The following TRAPPC9 variants were observed in gnomAD, a reference collection of about 807,000 sequenced individuals.
TRAPPC9 encodes trafficking protein particle complex subunit 9, also known as IKK2 binding protein.
TRAPPC9 carries 83 observed loss-of-function variants against 124.0 expected under a neutral mutation model. The ratio of observed to expected loss-of-function variants is 0.67; its 90% CI spans 0.56 to 0.80. The LOEUF (loss-of-function observed/expected upper bound fraction) is 0.80, where lower values mean the gene tolerates loss of function less well. Among genes scored for constraint, TRAPPC9 ranks in the 30% least tolerant of loss-of-function variants. The pLI is 0.00. For synonymous variants in TRAPPC9, 638 were observed against 617.5 expected, an observed-to-expected ratio of 1.03 and a Z score of -0.49; for missense variants, 1,302 against 1,508.3, an observed-to-expected ratio of 0.86 and a Z score of 2.27.
intron 17 of TRAPPC9, among the ~76,000 whole-genome samples, chr8:140,158,714 A>C (rs1384865429): frequency 6.6e-6 from 1 of 152,210 alleles, no homozygotes; most frequent in African/African-American, 2.4e-5. Flanking sequence ...GCTGAGCAGC[A>C]TCTGTGCTCC....
At position 139,728,455 on chromosome 8, in the gene TRAPPC9, G is replaced by A. The variant is rs561703644; in HGVS notation, c.*2606C>T. On this transcript the variant is annotated 3_prime_UTR_variant, in exon 23 of 23. Transcript: ENST00000438773. ...ACTGTATTGCCAGGTAGCCAGTAGC[G>A]TGGGGCCCTGGAAGAGGCTGGAGGA... 2.0e-5 allele frequency among the ~76,000 whole-genome samples: 3 copies of A among 152,224 alleles called. No individual in the cohort carries two copies. Among genetic ancestry groups the A allele is most frequent in the Non-Finnish European group, 2.9e-5 (2 of 68,048 alleles).
intron 8 of TRAPPC9, among the ~76,000 whole-genome samples, chr8:140,366,735 G>A (rs1035298357): frequency 9.9e-5 from 15 of 152,130 alleles, no homozygotes; most frequent in Non-Finnish European, 2.1e-4. Context: ...GCTAGACTTC[G>A]TTAAAATTTA....
chr8:139,945,578 C>CA (rs1484799404), intron 19 of TRAPPC9, among the ~76,000 whole-genome samples: 2 of 52,340 alleles, frequency 3.8e-5, no homozygotes, highest in Non-Finnish European at 8.1e-5. Context: ...AAAAAACCAA[C>CA]AAAAAACAGT....
At chr8:139,745,879 C>T (rs1050383109) in intron 21 of TRAPPC9, among the ~76,000 whole-genome samples, 7 of 152,268 alleles carry the variant, frequency 4.6e-5, no homozygotes, top group East Asian at 1.9e-4. Context: ...GGCAGCAGCC[C>T]GCCTCCACGT....
intron 6 of TRAPPC9, among the ~76,000 whole-genome samples, chr8:140,404,693 T>C (rs564197725): frequency 2.0e-5 from 3 of 152,122 alleles, no homozygotes; most frequent in Admixed American, 2.0e-4. Flanking sequence ...TGTGTGTACG[T>C]GCATGTGTGC....
At chr8:139,779,671 A>C (rs1235003377) in intron 21 of TRAPPC9, among the ~76,000 whole-genome samples, 1 of 152,186 alleles carries the variant, frequency 6.6e-6, no homozygotes, top group Non-Finnish European at 1.5e-5. Context: ...TCTAAACCTC[A>C]AATGCAACCA....
chr8:139,810,577 TCTC>T (rs1336948216), intron 21 of TRAPPC9, among the ~76,000 whole-genome samples: 8 of 151,658 alleles, frequency 5.3e-5, no homozygotes, highest in African/African-American at 1.5e-4. Flanking sequence ...TGCGTAAAGC[TCTC>T]CTCCTTCAAA....
intron 6 of TRAPPC9, 131 bp from the exon 7 acceptor site, chr8:140,397,876 C>T: frequency 8.3e-7 from 1 of 1,201,382 alleles, no homozygotes; most frequent in Non-Finnish European, 1.2e-6. Context: ...AGATACCCCT[C>T]CTGATATGGT....
At chr8:139,906,647 G>T (rs537913832) in intron 20 of TRAPPC9, among the ~76,000 whole-genome samples, 6 of 152,318 alleles carry the variant, frequency 3.9e-5, no homozygotes, top group South Asian at 4.1e-4. Context: ...AACCCTGCAG[G>T]TTCTTGGTGA....
chr8:140,246,395 G>A (rs758161122), intron 16 of TRAPPC9, among the ~76,000 whole-genome samples: 14 of 152,186 alleles, frequency 9.2e-5, no homozygotes, highest in Non-Finnish European at 1.5e-4. Flanking sequence ...GGACTGGTCC[G>A]TTTCTAGACT....
intron 17 of TRAPPC9, among the ~76,000 whole-genome samples, chr8:140,140,134 C>T (rs989328620): frequency 4.2e-4 from 64 of 152,270 alleles, no homozygotes; most frequent in African/African-American, 1.5e-3. Context: ...GGCAGGGAAC[C>T]AGTCAAGGGC....
chr8:140,389,416 A>C (rs1206439726), intron 7 of TRAPPC9, among the ~76,000 whole-genome samples: 1 of 152,242 alleles, frequency 6.6e-6, no homozygotes, highest in Non-Finnish European at 1.5e-5. Context: ...GATTAAGTGC[A>C]GACACAGGTG....
intron 17 of TRAPPC9, among the ~76,000 whole-genome samples, chr8:140,190,357 C>G (rs2062462524): frequency 6.6e-6 from 1 of 152,122 alleles, no homozygotes; most frequent in Admixed American, 6.5e-5. Context: ...ACTCGGGAGG[C>G]TGAGGCAGGA....
At chr8:140,431,958 C>A (rs1321599900) in intron 4 of TRAPPC9, among the ~76,000 whole-genome samples, 2 of 152,186 alleles carry the variant, frequency 1.3e-5, no homozygotes, top group African/African-American at 4.8e-5. Flanking sequence ...CCACTGTCCA[C>A]ATTGCACATC....
At chr8:139,795,281 G>C (rs919514231) in intron 21 of TRAPPC9, among the ~76,000 whole-genome samples, 1 of 152,106 alleles carries the variant, frequency 6.6e-6, no homozygotes, top group African/African-American at 2.4e-5. Context: ...TACGGTGAGA[G>C]GAAGCGCACT....
intron 16 of TRAPPC9, among the ~76,000 whole-genome samples, chr8:140,248,835 A>G (rs1344294430): frequency 6.6e-6 from 1 of 152,228 alleles, no homozygotes. Context: ...TTTGAAGATA[A>G]GGTAAATAAT....
intron 19 of TRAPPC9, among the ~76,000 whole-genome samples, chr8:139,959,474 C>T (rs1393055461): frequency 6.6e-6 from 1 of 152,220 alleles, no homozygotes; most frequent in African/African-American, 2.4e-5. Context: ...TCTCGCCCCA[C>T]AGCTGGTGAG....
chr8:139,771,379 A>G (rs960369532), intron 21 of TRAPPC9, among the ~76,000 whole-genome samples: 2 of 152,130 alleles, frequency 1.3e-5, no homozygotes, highest in Admixed American at 1.3e-4. Context: ...CCTGCCCAGG[A>G]CGCCGGATCC....
At chr8:140,166,722 G>A (rs1337273118) in intron 17 of TRAPPC9, among the ~76,000 whole-genome samples, 1 of 152,196 alleles carries the variant, frequency 6.6e-6, no homozygotes, top group Non-Finnish European at 1.5e-5. Flanking sequence ...CTGCGGAATG[G>A]GAGTGCTGGT....
Sources: allele counts gnomAD v4.1 joint callset (sites outside exome capture counted in the v4.1 genomes callset), GRCh38; gene constraint gnomAD v4.1.1; transcripts MANE v1.5; gene names NCBI Gene and HGNC (gene_info 2026-07-23, HGNC 2026-07-21).